Variants in ADORA2B observed in about 807,000 individuals in gnomAD.
ADORA2B encodes the protein adenosine A2b receptor.
Under a neutral mutation model 20.8 loss-of-function variants are expected in ADORA2B, and 18 were observed. The ratio of observed to expected loss-of-function variants is 0.87; its 90% CI spans 0.60 to 1.29. The LOEUF is 1.29. Among genes scored for constraint, ADORA2B ranks in the 50% most tolerant of loss-of-function variants. The pLI, the probability that ADORA2B is intolerant of heterozygous loss-of-function variation, is 0.00. For missense variants in ADORA2B, 441 were observed against 422.7 expected (o/e 1.04, Z -0.38); for synonymous variants, 179 against 178.3 (o/e 1.00, Z -0.03).
At chr17:15,938,858 T>C in the ADORA2B span, among the ~76,000 whole-genome samples, 26 of 152,220 alleles carry the variant, frequency 1.7e-4, no homozygotes, top group South Asian at 2.1e-4. Context: ...CTGAAACATA[T>C]GTACTGTTAT....
chr17:15,966,946 G>A (rs1379571621), intron 1 of ADORA2B, among the ~76,000 whole-genome samples: 1 of 152,222 alleles, frequency 6.6e-6, no homozygotes, highest in Non-Finnish European at 1.5e-5. Context: ...ACGGGCTGGC[G>A]AACGGAAGGA....
chr17:15,879,533 G>T, the ADORA2B span, among the ~76,000 whole-genome samples: 2 of 151,198 alleles, frequency 1.3e-5, no homozygotes, highest in African/African-American at 2.4e-5. Context: ...CTCAGCCAAA[G>T]GATTTTCTTT....
In ADORA2B at chr17:15,974,687, G is replaced by C; in HGVS notation, c.344G>C (p.Ser115Thr). 6.2e-7 allele frequency: 1 copy of C among 1,612,976 alleles called. No homozygotes were observed. The highest frequency in any genetic ancestry group is 2.2e-5 in the East Asian group (1 of 44,834). ...GGTATTCTTTTAAACAGGTATAAAA[G>C]TTTGGTCACGGGGACCCGAGCAAGA... Reference protein sequence around the residue: ...LAICVPLRYKSLVTGTRARGV... With the variant: ...LAICVPLRYKTLVTGTRARGV... Residue 115 changes from serine (S) to threonine (T), a missense_variant, in exon 2 of 2, where the codon AGT (serine) becomes ACT (threonine). Ser to Thr is a moderately conservative substitution (Grantham distance 58, BLOSUM62 1). Coordinates refer to ENST00000304222, the MANE Select transcript of ADORA2B (RefSeq NM_000676.4).
chr17:15,943,475 T>C (rs866440129), upstream of ADORA2B, among the ~76,000 whole-genome samples: 25 of 152,300 alleles, frequency 1.6e-4, no homozygotes, highest in African/African-American at 5.8e-4. Flanking sequence ...TACAGGCACC[T>C]GCCACCGTGC....
chr17:15,893,793 A>G, the ADORA2B span, among the ~76,000 whole-genome samples: 1 of 152,252 alleles, frequency 6.6e-6, no homozygotes, highest in Admixed American at 6.5e-5. Context: ...GCAGATCCAC[A>G]TAACCTCTTT....
At chr17:15,925,844 G>A in the ADORA2B span, among the ~76,000 whole-genome samples, 2 of 152,016 alleles carry the variant, frequency 1.3e-5, no homozygotes, top group African/African-American at 4.8e-5. Flanking sequence ...GGTGGTGTGT[G>A]CCTATAATCC....
At chr17:15,905,655 C>T in the ADORA2B span, among the ~76,000 whole-genome samples, 4 of 151,656 alleles carry the variant, frequency 2.6e-5, no homozygotes, top group South Asian at 4.2e-4. Context: ...AGCTACTGCA[C>T]CCAGCTGGTT....
At chr17:15,942,282 C>T (rs1969752037), upstream of ADORA2B, among the ~76,000 whole-genome samples, 1 of 151,970 alleles carries the variant, frequency 6.6e-6, no homozygotes. Flanking sequence ...CTCACTAGAT[C>T]CGGTTGTTAA....
the ADORA2B span, among the ~76,000 whole-genome samples, chr17:15,865,866 A>G: frequency 6.7e-6 from 1 of 150,104 alleles, no homozygotes; most frequent in East Asian, 1.9e-4. Context: ...CGGAAAGTTT[A>G]ATAGGCAAGA....
upstream of ADORA2B, among the ~76,000 whole-genome samples, chr17:15,941,823 T>A (rs1969748263): frequency 6.6e-6 from 1 of 151,690 alleles, no homozygotes; most frequent in Non-Finnish European, 1.5e-5. Context: ...TAATAATAAT[T>A]ATTATAATAT....
At chr17:15,874,042 G>GTGTGTGTATATA in the ADORA2B span, among the ~76,000 whole-genome samples, 52 of 134,816 alleles carry the variant, frequency 3.9e-4, no homozygotes, top group Admixed American at 1.8e-3. Context: ...ATATATATGT[G>GTGTGTGTATATA]TATATATATA....
chr17:15,964,707 T>TA (rs148212420), intron 1 of ADORA2B, among the ~76,000 whole-genome samples: 61 of 146,490 alleles, frequency 4.2e-4, no homozygotes, highest in East Asian at 5.9e-4. Flanking sequence ...TCATAAATAT[T>TA]AAAAAAAAAA....
the ADORA2B span, among the ~76,000 whole-genome samples, chr17:15,936,109 T>A: frequency 1.3e-5 from 2 of 152,072 alleles, no homozygotes; most frequent in Non-Finnish European, 2.9e-5. Flanking sequence ...ACTCCTGACC[T>A]TGAGTGACCT....
the ADORA2B span, among the ~76,000 whole-genome samples, chr17:15,928,044 G>A: frequency 4.0e-5 from 6 of 151,886 alleles, no homozygotes; most frequent in Non-Finnish European, 7.4e-5. Flanking sequence ...TCCTGACCTC[G>A]TGATCCGCCC....
the ADORA2B span, among the ~76,000 whole-genome samples, chr17:15,886,478 GA>G: frequency 1.5e-5 from 2 of 129,814 alleles, 1 homozygote; most frequent in African/African-American, 6.6e-5. Flanking sequence ...TGGCTCATGA[GA>G]AGGTGTCTCC....
At chr17:15,859,124 C>A in the ADORA2B span, among the ~76,000 whole-genome samples, 2 of 152,130 alleles carry the variant, frequency 1.3e-5, no homozygotes, top group African/African-American at 4.8e-5. Context: ...GCCAAAAAAA[C>A]CATTCTTTTA....
chr17:15,891,853 T>C, the ADORA2B span, among the ~76,000 whole-genome samples: 1 of 147,478 alleles, frequency 6.8e-6, no homozygotes, highest in Non-Finnish European at 1.5e-5. Context: ...AGCTTTTTTT[T>C]TTTTTTTTTT....
intron 1 of ADORA2B, among the ~76,000 whole-genome samples, chr17:15,964,843 C>A (rs2779204): frequency 1.3e-5 from 2 of 151,736 alleles, no homozygotes; most frequent in Admixed American, 1.3e-4. Context: ...GGGCGAATCA[C>A]GAGGTCAGGA....
chr17:15,878,215 A>G, the ADORA2B span, among the ~76,000 whole-genome samples: 1 of 145,550 alleles, frequency 6.9e-6, no homozygotes, highest in African/African-American at 2.5e-5. Context: ...ACACACACAC[A>G]TTATATAAAT....
Sources: allele counts gnomAD v4.1 joint callset (sites outside exome capture counted in the v4.1 genomes callset), GRCh38; gene constraint gnomAD v4.1.1; transcripts MANE v1.5; gene names NCBI Gene and HGNC (gene_info 2026-07-23, HGNC 2026-07-21).